Variants in MIB1 observed in about 807,000 individuals in gnomAD.
MIB1 encodes the protein E3 ubiquitin-protein ligase MIB1.
Under a neutral mutation model 124.5 loss-of-function variants are expected in MIB1, and 278 were observed. That is an observed-to-expected ratio of 2.23 (90% CI 2.02 to 2.47). The LOEUF (loss-of-function observed/expected upper bound fraction) is 2.47. MIB1 is among the 30% of genes most tolerant of loss of function. MIB1 has a pLI of 0.00. For synonymous variants in MIB1, 446 were observed against 429.4 expected, an observed-to-expected ratio of 1.04 and a Z score of -0.48; for missense variants, 957 against 1,254.4, an observed-to-expected ratio of 0.76 and a Z score of 3.58.
At chr18:21,716,142 C>A (rs901326541) in intron 1 of MIB1, among the ~76,000 whole-genome samples, 11 of 152,134 alleles carry the variant, frequency 7.2e-5, no homozygotes, top group African/African-American at 2.7e-4. Context: ...TAAAGGAAAA[C>A]CTATCAGATT....
chr18:21,792,983 C>A (rs539137856), intron 7 of MIB1, among the ~76,000 whole-genome samples: 1 of 152,284 alleles, frequency 6.6e-6, no homozygotes, highest in East Asian at 1.9e-4. Flanking sequence ...TATAACAAAA[C>A]TAGGTTTCAG....
intron 1 of MIB1, among the ~76,000 whole-genome samples, chr18:21,763,332 A>T (rs1311241397): frequency 6.6e-6 from 1 of 152,146 alleles, no homozygotes; most frequent in Non-Finnish European, 1.5e-5. Context: ...TGATCTTGTT[A>T]ATTTCTAGCG....
At chr18:21,800,937 A>T (rs1222192168) in intron 9 of MIB1, among the ~76,000 whole-genome samples, 2 of 152,108 alleles carry the variant, frequency 1.3e-5, no homozygotes, top group Non-Finnish European at 2.9e-5. Context: ...TTTGTATTCC[A>T]GTCAAGCAGA....
intron 2 of MIB1, among the ~76,000 whole-genome samples, chr18:21,766,359 GA>G (rs768702998): frequency 5.7e-4 from 86 of 151,248 alleles, no homozygotes; most frequent in Non-Finnish European, 1.0e-3. Context: ...ATGGACACTA[GA>G]AGATAAATAA....
intron 1 of MIB1, among the ~76,000 whole-genome samples, chr18:21,728,288 T>C (rs1385666995): frequency 6.6e-6 from 1 of 152,138 alleles, no homozygotes; most frequent in South Asian, 2.1e-4. Flanking sequence ...AGGTCAGAAG[T>C]TCGAGACCAG....
chr18:21,802,530 G>A (rs1015205248), intron 9 of MIB1, among the ~76,000 whole-genome samples: 8 of 151,838 alleles, frequency 5.3e-5, no homozygotes, highest in African/African-American at 1.9e-4. Context: ...TATCATGTTG[G>A]TATTTAAAGA....
chr18:21,827,671 T>C (rs895126623), intron 12 of MIB1: 1 of 152,090 alleles, frequency 6.6e-6, no homozygotes, highest in African/African-American at 2.4e-5. Flanking sequence ...ACTAATTTCT[T>C]TGAAAGTGTA....
At chr18:21,817,360 A>G (rs1178688807) in intron 11 of MIB1, among the ~76,000 whole-genome samples, 3 of 151,900 alleles carry the variant, frequency 2.0e-5, no homozygotes, top group African/African-American at 7.3e-5. Flanking sequence ...TCTGGTCTCA[A>G]GCAATCTTCC....
At chr18:21,814,694 C>T (rs1023240906) in intron 10 of MIB1, among the ~76,000 whole-genome samples, 5 of 151,848 alleles carry the variant, frequency 3.3e-5, no homozygotes, top group African/African-American at 1.2e-4. Context: ...CTCCCTCAGC[C>T]TCCCGGGTAG....
chr18:21,797,723 C>A (rs1050467125), intron 7 of MIB1, among the ~76,000 whole-genome samples: 3 of 151,664 alleles, frequency 2.0e-5, no homozygotes, highest in Non-Finnish European at 4.4e-5. Flanking sequence ...ATCCAATTTT[C>A]TTTTTCAGGC....
chr18:21,726,091 G>GA (rs2040740832), intron 1 of MIB1, among the ~76,000 whole-genome samples: 1 of 152,094 alleles, frequency 6.6e-6, no homozygotes, highest in Admixed American at 6.6e-5. Flanking sequence ...AAAAAGAATG[G>GA]AAAAGAGGCT....
intron 6 of MIB1, among the ~76,000 whole-genome samples, chr18:21,781,966 T>G (rs1408665076): frequency 2.0e-5 from 3 of 152,136 alleles, no homozygotes; most frequent in Non-Finnish European, 1.5e-5. Context: ...CAGCTTTTCA[T>G]TTTGTTGATA....
chr18:21,859,723 T>C (rs1361353801), intron 20 of MIB1, among the ~76,000 whole-genome samples: 3 of 151,638 alleles, frequency 2.0e-5, no homozygotes, highest in African/African-American at 7.3e-5. Context: ...ACCCCGTCTC[T>C]ACTAAAAATA....
rs77329509 is a variant in MIB1 at position 21,857,140 on chromosome 18, C to T, written c.2676C>T (p.Asn892=). 3.4e-4 allele frequency: 550 copies of T among 1,613,368 alleles called. 4 individuals are homozygous for T. The East Asian group carries it at 0.012, about 34-fold the overall frequency. Residue 892 remains asparagine, a synonymous_variant, in exon 19 of 21, where the codon AAC becomes AAT. Transcript: ENST00000261537. Reference sequence around the variant, plus strand: ...GTTACCGTTTTCCAGACTGTGCTAACCTGATGAAAAAGTGTGTGCAGTGTC... The same window carrying T: ...GTTACCGTTTTCCAGACTGTGCTAATCTGATGAAAAAGTGTGTGCAGTGTC... ...GHMCACENCA[N]LMKKCVQCRA... is the part of the protein sequence containing the mutation.
intron 1 of MIB1, among the ~76,000 whole-genome samples, chr18:21,708,998 T>G (rs2146351003): frequency 6.6e-6 from 1 of 152,210 alleles, no homozygotes; most frequent in East Asian, 1.9e-4. Flanking sequence ...GAACAAGGCT[T>G]AGAAGTTGGG....
chr18:21,740,358 A>G (rs771676339), upstream of MIB1, among the ~76,000 whole-genome samples: 4 of 152,192 alleles, frequency 2.6e-5, no homozygotes, highest in Non-Finnish European at 4.4e-5. Context: ...GTTGCTCACA[A>G]CATTCCATAC....
At chr18:21,772,796 T>C (rs1487044767) in intron 3 of MIB1, among the ~76,000 whole-genome samples, 1 of 152,148 alleles carries the variant, frequency 6.6e-6, no homozygotes, top group Non-Finnish European at 1.5e-5. Flanking sequence ...GGCCTGCAAC[T>C]GCGGGATACT....
intron 1 of MIB1, among the ~76,000 whole-genome samples, chr18:21,757,490 T>C (rs559897520): frequency 7.0e-6 from 1 of 143,562 alleles, no homozygotes; most frequent in East Asian, 2.0e-4. Context: ...AGACAGTCTT[T>C]TTTTTTTTTT....
intron 12 of MIB1, chr18:21,828,895 C>A: frequency 2.8e-6 from 1 of 355,450 alleles, no homozygotes. Flanking sequence ...TTAGTATTGC[C>A]AAAGGTCATC....
Sources: gnomAD v4.1 joint callset for allele counts (sites outside exome capture counted in the v4.1 genomes callset) on GRCh38, gnomAD v4.1.1 for gene constraint, MANE v1.5 for transcripts, NCBI Gene and HGNC (gene_info 2026-07-23, HGNC 2026-07-21) for gene names.